TAFA2: variants seen among roughly 807,000 people sequenced by gnomAD.
The protein encoded by TAFA2 is chemokine-like protein TAFA-2.
A neutral mutation model predicts 18.8 loss-of-function variants in TAFA2; 7 were observed. That is an observed-to-expected ratio of 0.37 (90% CI 0.21 to 0.70). TAFA2 has a LOEUF of 0.70. TAFA2 is among the 30% of genes least tolerant of loss of function. TAFA2 has a pLI of 0.53. For synonymous variants in TAFA2, 60 were observed against 54.2 expected (o/e 1.11, Z -0.47); for missense variants, 122 against 158.1 (o/e 0.77, Z 1.23).
intron 1 of TAFA2, among the ~76,000 whole-genome samples, chr12:61,948,972 C>T (rs1029278113): frequency 6.6e-6 from 1 of 152,076 alleles, no homozygotes; most frequent in Admixed American, 6.6e-5. Flanking sequence ...ATCTTTTTAC[C>T]ATCATTTATT....
intron 1 of TAFA2, among the ~76,000 whole-genome samples, chr12:61,939,755 T>C (rs948408036): frequency 6.6e-6 from 1 of 152,206 alleles, no homozygotes; most frequent in African/African-American, 2.4e-5. Context: ...TCACGTGACT[T>C]TTCTTTTCAC....
At chr12:61,767,353 A>C (rs1411941012) in intron 2 of TAFA2, among the ~76,000 whole-genome samples, 1 of 152,144 alleles carries the variant, frequency 6.6e-6, no homozygotes, top group East Asian at 1.9e-4. Context: ...TATGTAAAAA[A>C]TTTAGATGAA....
chr12:62,101,399 GA>G (rs147498085), intron 1 of TAFA2, among the ~76,000 whole-genome samples: 8,212 of 152,228 alleles, frequency 0.054, 332 homozygotes, highest in Non-Finnish European at 0.083. Flanking sequence ...GACTTAGCTG[GA>G]AATATACACT....
intron 1 of TAFA2, among the ~76,000 whole-genome samples, chr12:62,080,892 C>T (rs1055252658): frequency 1.3e-5 from 2 of 152,094 alleles, no homozygotes; most frequent in African/African-American, 2.4e-5. Context: ...TCTATTTGAC[C>T]TTGCATTAAA....
chr12:61,965,197 T>A (rs952982811), intron 1 of TAFA2, among the ~76,000 whole-genome samples: 1 of 151,864 alleles, frequency 6.6e-6, no homozygotes, highest in African/African-American at 2.4e-5. Context: ...GGTAGAGTCC[T>A]CATGGATGGG....
At chr12:61,843,446 G>C (rs758172874) in intron 2 of TAFA2, among the ~76,000 whole-genome samples, 4 of 152,092 alleles carry the variant, frequency 2.6e-5, no homozygotes, top group South Asian at 2.1e-4. Context: ...ATTTTACTTT[G>C]CTTTGGATAG....
At chr12:62,189,994 G>T (rs556997535) in intron 1 of TAFA2, among the ~76,000 whole-genome samples, 3 of 142,798 alleles carry the variant, frequency 2.1e-5, no homozygotes, top group Non-Finnish European at 3.1e-5. Flanking sequence ...GGTTTTTAAG[G>T]TTTTTTTTCT....
intron 2 of TAFA2, among the ~76,000 whole-genome samples, chr12:61,755,818 T>G (rs1869238134): frequency 6.6e-6 from 1 of 152,134 alleles, no homozygotes; most frequent in African/African-American, 2.4e-5. Context: ...CATATTATGA[T>G]AAGATTCTAG....
chr12:61,985,046 AG>A (rs1180655916), intron 1 of TAFA2, among the ~76,000 whole-genome samples: 1 of 152,188 alleles, frequency 6.6e-6, no homozygotes, highest in Non-Finnish European at 1.5e-5. Flanking sequence ...AGAGGGTAAA[AG>A]TTGCTTTGAA....
intron 1 of TAFA2, among the ~76,000 whole-genome samples, chr12:61,923,125 C>G (rs943038032): frequency 6.6e-6 from 1 of 152,206 alleles, no homozygotes; most frequent in South Asian, 2.1e-4. Flanking sequence ...CTCTCACCTC[C>G]CTGGGATACA....
rs781031981 is a variant in TAFA2, at chr12:62,059,519, T to C, written c.-2+131740A>G. 1.0e-3 allele frequency among the ~76,000 whole-genome samples: 156 copies of C among 151,622 alleles called. 1 individual carries two copies. Among genetic ancestry groups the C allele is most frequent in the Middle Eastern group, 6.8e-3 (2 of 294 alleles). ...AAGAAAAGTAAAGTGTGGTAAGAGA[T>C]AGCAGAAGTTTAGCAGTGGGGCGGG... On this transcript the variant is annotated intron_variant, in intron 1 of 4. Transcript: ENST00000416284.
At chr12:61,782,209 T>G (rs1316695746) in intron 2 of TAFA2, among the ~76,000 whole-genome samples, 10 of 151,654 alleles carry the variant, frequency 6.6e-5, no homozygotes, top group African/African-American at 2.4e-4. Flanking sequence ...CAGGCCATGA[T>G]GAGAAGAGGG....
intron 1 of TAFA2, among the ~76,000 whole-genome samples, chr12:61,931,981 T>A (rs1877574354): frequency 6.6e-6 from 1 of 152,184 alleles, no homozygotes; most frequent in Non-Finnish European, 1.5e-5. Flanking sequence ...AAGTATAAAT[T>A]TCCCCCTTTG....
At chr12:61,894,182 A>T (rs1875746536) in intron 1 of TAFA2, among the ~76,000 whole-genome samples, 1 of 152,192 alleles carries the variant, frequency 6.6e-6, no homozygotes, top group African/African-American at 2.4e-5. Context: ...TGAATATGGG[A>T]AGTATAAAAT....
At chr12:61,811,322 T>C (rs1230914840) in intron 2 of TAFA2, among the ~76,000 whole-genome samples, 2 of 151,374 alleles carry the variant, frequency 1.3e-5, no homozygotes, top group African/African-American at 4.9e-5. Context: ...TTGCCCAAGA[T>C]TATATAGTAT....
intron 1 of TAFA2, among the ~76,000 whole-genome samples, chr12:61,913,848 T>C (rs1379469323): frequency 1.3e-5 from 2 of 152,186 alleles, no homozygotes; most frequent in Admixed American, 1.3e-4. Flanking sequence ...AGACACTGGG[T>C]GTGATATATT....
chr12:61,987,479 T>A (rs937640819), intron 1 of TAFA2, among the ~76,000 whole-genome samples: 1 of 152,202 alleles, frequency 6.6e-6, no homozygotes, highest in African/African-American at 2.4e-5. Context: ...GAGTAACATG[T>A]ACAATTTGTG....
intron 1 of TAFA2, among the ~76,000 whole-genome samples, chr12:62,016,262 G>A (rs1880933303): frequency 6.6e-6 from 1 of 152,092 alleles, no homozygotes; most frequent in African/African-American, 2.4e-5. Flanking sequence ...GACAAATGAT[G>A]TATTATTATG....
At chr12:61,770,870 G>A (rs973366598) in intron 2 of TAFA2, among the ~76,000 whole-genome samples, 1 of 151,976 alleles carries the variant, frequency 6.6e-6, no homozygotes, top group African/African-American at 2.4e-5. Context: ...AACTAGTACA[G>A]TGAATAGAAG....
Sources: allele counts gnomAD v4.1 joint callset (sites outside exome capture counted in the v4.1 genomes callset), GRCh38; gene constraint gnomAD v4.1.1; transcripts MANE v1.5; gene names NCBI Gene and HGNC (gene_info 2026-07-23, HGNC 2026-07-21).